The following SLC41A3 variants were observed in gnomAD, a reference collection of about 807,000 sequenced individuals.
SLC41A3 encodes SLC41A1-like 2.
A neutral mutation model predicts 45.4 loss-of-function variants in SLC41A3; 44 were observed. The observed-to-expected ratio is 0.97, with a 90% CI of 0.76 to 1.25. The LOEUF (loss-of-function observed/expected upper bound fraction) is 1.25. Among genes scored for constraint, SLC41A3 ranks in the 50% most tolerant of loss-of-function variants. The probability of loss-of-function intolerance (pLI) is 0.00; values close to 1 mark genes in which losing one functional copy is unlikely to be tolerated. For synonymous variants in SLC41A3, 256 were observed against 252.4 expected, an observed-to-expected ratio of 1.01 and a Z score of -0.13; for missense variants, 550 against 600.6, an observed-to-expected ratio of 0.92 and a Z score of 0.88.
At chr3:126,021,968 G>C (rs569527536) in intron 6 of SLC41A3, among the ~76,000 whole-genome samples, 1 of 152,330 alleles carries the variant, frequency 6.6e-6, no homozygotes, top group East Asian at 1.9e-4. Flanking sequence ...GATAATGGGG[G>C]AGGCAGTTAG....
chr3:126,049,995 C>CT, intron 3 of SLC41A3, among the ~76,000 whole-genome samples: 1 of 152,266 alleles, frequency 6.6e-6, no homozygotes. Flanking sequence ...CTGTCTGAAA[C>CT]GTCCCTCTGT....
At chr3:126,066,473 C>T (rs887649947) in intron 2 of SLC41A3, among the ~76,000 whole-genome samples, 1 of 152,152 alleles carries the variant, frequency 6.6e-6, no homozygotes, top group African/African-American at 2.4e-5. Context: ...ACTTGTTAGG[C>T]ATCAAGAGAA....
intron 2 of SLC41A3, among the ~76,000 whole-genome samples, chr3:126,064,706 G>T (rs973194352): frequency 2.4e-4 from 37 of 152,134 alleles, no homozygotes; most frequent in African/African-American, 8.5e-4. Context: ...TTTCTAGACC[G>T]CTCGGTGTCT....
intron 1 of SLC41A3, among the ~76,000 whole-genome samples, chr3:126,097,017 G>A (rs1162940732): frequency 6.6e-6 from 1 of 152,200 alleles, no homozygotes; most frequent in Admixed American, 6.5e-5. Flanking sequence ...CTTAGAACAG[G>A]AATGAAAGGA....
At chr3:126,076,298 T>C (rs1261718073) in intron 1 of SLC41A3, among the ~76,000 whole-genome samples, 1 of 152,218 alleles carries the variant, frequency 6.6e-6, no homozygotes, top group African/African-American at 2.4e-5. Flanking sequence ...CCTAACATAA[T>C]GTTGTCAAGC....
chr3:126,056,191 T>A (rs958029918), intron 2 of SLC41A3, among the ~76,000 whole-genome samples: 5 of 152,106 alleles, frequency 3.3e-5, no homozygotes, highest in African/African-American at 4.8e-5. Context: ...TGGAGGTCCC[T>A]CCTGCCAGCC....
Position 126,026,332 on chromosome 3 carries a change from C to A in SLC41A3, c.598+3G>T. On this transcript the variant is annotated splice_donor_region_variant and intron_variant, in intron 5 of 10. Transcript: ENST00000360370. This position sits in a 1 kb window ranked among gnomAD's most constrained non-coding sequence, Gnocchi z 4.2. The stretch of plus-strand genomic sequence containing the variant: ...GGGGGCTCACAGCTGGGGCATGGCT[C>A]ACCCAGGGCAAAGGCTGCAAGGAAG... 1 of 1,558,818 alleles carries A rather than the reference C, an allele frequency of 6.4e-7. No homozygotes were observed. The highest frequency in any genetic ancestry group is 8.7e-7 in the Non-Finnish European group (1 of 1,150,510).
chr3:126,078,838 C>T (rs1410106634), intron 1 of SLC41A3: 1 of 152,210 alleles, frequency 6.6e-6, no homozygotes, highest in Non-Finnish European at 1.5e-5. Flanking sequence ...GTGGGATCAT[C>T]TGATGAGAAC....
At chr3:126,047,743 C>G (rs1258923131) in intron 3 of SLC41A3, among the ~76,000 whole-genome samples, 1 of 150,268 alleles carries the variant, frequency 6.7e-6, no homozygotes, top group Admixed American at 6.6e-5. Context: ...AAAATAAACT[C>G]TAAATGAATC....
chr3:126,099,562 A>C (rs1945668285), intron 1 of SLC41A3, among the ~76,000 whole-genome samples: 1 of 152,116 alleles, frequency 6.6e-6, no homozygotes, highest in African/African-American at 2.4e-5. Flanking sequence ...AAATACAAAA[A>C]TTAGCCAGGC....
chr3:126,050,790 G>A, intron 3 of SLC41A3, 153 bp downstream of exon 3: 2 of 1,298,624 alleles, frequency 1.5e-6, no homozygotes, highest in Non-Finnish European at 2.0e-6. Flanking sequence ...GGCTGGGAGA[G>A]GGACAAGGGA....
intron 1 of SLC41A3, among the ~76,000 whole-genome samples, chr3:126,098,624 GGCTTGACTGTGA>G (rs978832845): frequency 1.7e-3 from 254 of 152,338 alleles, no homozygotes; most frequent in African/African-American, 6.0e-3. Context: ...GAATAGGGAG[GGCTTGACTGTGA>G]GCTTGACATG....
intron 3 of SLC41A3, among the ~76,000 whole-genome samples, chr3:126,046,673 A>G (rs369865746): frequency 1.6e-4 from 24 of 152,344 alleles, no homozygotes; most frequent in East Asian, 1.5e-3. Flanking sequence ...TTAAGATATC[A>G]ATACTAGGCT....
chr3:126,062,471 C>A (rs998612101), intron 2 of SLC41A3, among the ~76,000 whole-genome samples: 3 of 152,206 alleles, frequency 2.0e-5, no homozygotes, highest in African/African-American at 7.2e-5. Flanking sequence ...GTCTCCCCTG[C>A]ATCTGCCTTT....
rs139253755 is a variant in SLC41A3 at position 126,056,468 on chromosome 3, G to A, written c.274-5418C>T. On this transcript the variant is annotated intron_variant, in intron 2 of 10. Transcript: ENST00000360370. ...AAGAAAGATTCAGGCAAGACCCCAT[G>A]TGGGGACCGGGTAAGCTCACAGCTG... is the stretch of plus-strand genomic sequence containing the variant. The A allele has an allele frequency of 9.8e-5, 158 of 1,614,104 alleles. 1 individual carries two copies. Among genetic ancestry groups the A allele is most frequent in the African/African-American group, 2.7e-5 (2 of 74,936 alleles).
At chr3:126,035,562 A>AG (rs1942128839) in intron 3 of SLC41A3, among the ~76,000 whole-genome samples, 2 of 152,264 alleles carry the variant, frequency 1.3e-5, no homozygotes, top group African/African-American at 4.8e-5. Context: ...TGAACACTAC[A>AG]GGGATAACTG....
chr3:126,068,631 C>T (rs2108022121), intron 1 of SLC41A3, among the ~76,000 whole-genome samples: 1 of 152,316 alleles, frequency 6.6e-6, no homozygotes, highest in South Asian at 2.1e-4. Context: ...AGAAAAATTG[C>T]TGACTCTCAG....
At chr3:126,078,644 C>T (rs569028885) in intron 1 of SLC41A3, among the ~76,000 whole-genome samples, 4 of 152,148 alleles carry the variant, frequency 2.6e-5, no homozygotes, top group Admixed American at 6.5e-5. Context: ...TTAATCCTTA[C>T]GGGACTGTGG....
intron 4 of SLC41A3, among the ~76,000 whole-genome samples, chr3:126,027,857 T>C (rs1280027797): frequency 6.6e-6 from 1 of 152,242 alleles, no homozygotes; most frequent in Non-Finnish European, 1.5e-5. Context: ...AGAACTTGGC[T>C]GCATTATACC....
Sources: allele counts gnomAD v4.1 joint callset (sites outside exome capture counted in the v4.1 genomes callset), GRCh38; gene constraint gnomAD v4.1.1; non-coding constraint Gnocchi (gnomAD v3.1); transcripts MANE v1.5; gene names NCBI Gene and HGNC (gene_info 2026-07-23, HGNC 2026-07-21).